The following GRM7 variants were observed in gnomAD, a reference collection of about 807,000 sequenced individuals.
GRM7 encodes the protein metabotropic glutamate receptor 7.
In GRM7, 35 loss-of-function variants were observed where a neutral mutation model predicts 84.5. That is an observed-to-expected ratio of 0.41 (90% CI 0.32 to 0.55). The LOEUF is 0.55. Among genes scored for constraint, GRM7 ranks in the 20% least tolerant of loss-of-function variants. GRM7 has a pLI of 0.19. For synonymous variants in GRM7, 487 were observed against 455.1 expected, an observed-to-expected ratio of 1.07 and a Z score of -0.89; for missense variants, 1,003 against 1,194.6, an observed-to-expected ratio of 0.84 and a Z score of 2.36.
intron 7 of GRM7, among the ~76,000 whole-genome samples, chr3:7,543,958 A>G (rs1440847695): frequency 2.0e-5 from 3 of 152,176 alleles, no homozygotes; most frequent in African/African-American, 4.8e-5. Context: ...GCTTTTCACT[A>G]TTAAAAGGCA....
intron 2 of GRM7, among the ~76,000 whole-genome samples, chr3:7,193,932 G>A (rs1695798825): frequency 6.6e-6 from 1 of 152,052 alleles, no homozygotes; most frequent in Admixed American, 6.6e-5. Flanking sequence ...GCTGACAACA[G>A]ATATCTTGAT....
intron 1 of GRM7, among the ~76,000 whole-genome samples, chr3:7,096,124 CT>C (rs932565532): frequency 2.0e-5 from 3 of 152,020 alleles, no homozygotes; most frequent in Non-Finnish European, 2.9e-5. Context: ...ATATTCTGCT[CT>C]CCCCTATCCT....
chr3:7,207,022 G>A (rs1696263280), intron 2 of GRM7, among the ~76,000 whole-genome samples: 1 of 152,088 alleles, frequency 6.6e-6, no homozygotes, highest in Admixed American at 6.5e-5. Context: ...ATGGAAATAA[G>A]TAACAATAAA....
At chr3:7,341,395 A>G (rs1328372803) in intron 4 of GRM7, among the ~76,000 whole-genome samples, 3 of 151,970 alleles carry the variant, frequency 2.0e-5, no homozygotes, top group Non-Finnish European at 4.4e-5. Context: ...TTTATTTAGC[A>G]AACATTTATT....
intron 9 of GRM7, among the ~76,000 whole-genome samples, chr3:7,715,377 G>A: frequency 6.6e-6 from 1 of 152,136 alleles, no homozygotes; most frequent in East Asian, 1.9e-4. Context: ...GGAGGCTGAG[G>A]CAAAAGGATC....
chr3:6,972,408 C>T (rs148091026), intron 1 of GRM7, among the ~76,000 whole-genome samples: 6 of 152,170 alleles, frequency 3.9e-5, no homozygotes, highest in Admixed American at 6.5e-5. Context: ...GGGTAAAGGA[C>T]GAGAAAATGT....
At chr3:7,476,843 C>G (rs1698941554) in intron 7 of GRM7, among the ~76,000 whole-genome samples, 1 of 152,192 alleles carries the variant, frequency 6.6e-6, no homozygotes, top group Admixed American at 6.5e-5. Context: ...TCTGACAGTT[C>G]TGTGTCTTGT....
chr3:7,487,703 C>G lies in GRM7; in HGVS notation c.1515+25981C>G, dbSNP rs192150573. On this transcript the variant is annotated intron_variant, in intron 7 of 9. Transcript: ENST00000357716. ...AGAAGTGGAGGCATAGCACTTCTGT[C>G]CAAATTTCAAAGGATGTATCCGGAA... is the stretch of plus-strand genomic sequence containing the variant. Among the ~76,000 whole-genome samples the G allele has an allele frequency of 1.3e-4, 20 of 152,292 alleles. No individual in the cohort carries two copies. The South Asian group carries it at 1.9e-3, about 14-fold the overall frequency.
intron 1 of GRM7, among the ~76,000 whole-genome samples, chr3:7,061,746 C>T (rs1285910280): frequency 1.3e-5 from 2 of 151,636 alleles, no homozygotes; most frequent in Non-Finnish European, 3.0e-5. Context: ...TTTGCATACA[C>T]AACCTCATGT....
At chr3:7,255,646 A>G (rs1698166883) in intron 2 of GRM7, among the ~76,000 whole-genome samples, 1 of 152,178 alleles carries the variant, frequency 6.6e-6, no homozygotes, top group African/African-American at 2.4e-5. Context: ...CCATGTTCCT[A>G]TTTATAGAAG....
intron 2 of GRM7, among the ~76,000 whole-genome samples, chr3:7,297,370 A>G (rs1000661264): frequency 6.6e-6 from 1 of 152,182 alleles, no homozygotes; most frequent in Non-Finnish European, 1.5e-5. Context: ...TATTATTTCT[A>G]TGCTTTAAAA....
intron 1 of GRM7, among the ~76,000 whole-genome samples, chr3:7,136,332 G>T (rs890676303): frequency 1.3e-5 from 2 of 151,870 alleles, no homozygotes; most frequent in African/African-American, 4.8e-5. Context: ...GGCAGAAACT[G>T]CCTCTTTAAA....
chr3:7,022,367 G>GCACACACACACACACACA lies in GRM7; in HGVS notation c.520-124083_520-124066dup, dbSNP rs71307753. 7.0e-3 allele frequency among the ~76,000 whole-genome samples: 1,019 copies of GCACACACACACACACACA among 145,718 alleles called. 9 individuals carry two copies. Among genetic ancestry groups the GCACACACACACACACACA allele is most frequent in the African/African-American group, 0.025 (968 of 39,028 alleles). ...AAAATATATATATATACACACACAT[G>GCACACACACACACACACA]CACACACACACACACACACCAGTGG... On this transcript the variant is annotated intron_variant, in intron 1 of 9. Coordinates refer to ENST00000357716, the MANE Select transcript of GRM7 (RefSeq NM_000844.4).
intron 1 of GRM7, among the ~76,000 whole-genome samples, chr3:7,029,125 G>A (rs993366435): frequency 1.3e-5 from 2 of 152,090 alleles, no homozygotes; most frequent in Non-Finnish European, 2.9e-5. Flanking sequence ...CTAACATGGT[G>A]AAACCCTGTC....
intron 8 of GRM7, among the ~76,000 whole-genome samples, chr3:7,650,935 G>T (rs887070502): frequency 6.6e-6 from 1 of 152,122 alleles, no homozygotes; most frequent in Non-Finnish European, 1.5e-5. Flanking sequence ...ATTATAGTGA[G>T]GGCACTAATG....
intron 2 of GRM7, among the ~76,000 whole-genome samples, chr3:7,261,089 G>A (rs990811772): frequency 6.6e-6 from 1 of 152,146 alleles, no homozygotes; most frequent in African/African-American, 2.4e-5. Context: ...TAGTTGGCCA[G>A]CTTGCCTATC....
intron 7 of GRM7, among the ~76,000 whole-genome samples, chr3:7,474,107 A>T (rs1698822078): frequency 6.6e-6 from 1 of 152,164 alleles, no homozygotes; most frequent in Non-Finnish European, 1.5e-5. Flanking sequence ...TGGCCATGAT[A>T]AAAAGTCAAA....
intron 4 of GRM7, among the ~76,000 whole-genome samples, chr3:7,363,829 G>A (rs1023772804): frequency 3.3e-5 from 5 of 151,972 alleles, no homozygotes; most frequent in African/African-American, 9.7e-5. Context: ...TTACCATTCT[G>A]ATGGGTAAAA....
chr3:7,211,791 T>C (rs2124848333), intron 2 of GRM7, among the ~76,000 whole-genome samples: 1 of 152,168 alleles, frequency 6.6e-6, no homozygotes, highest in Non-Finnish European at 1.5e-5. Flanking sequence ...CACAAATAAT[T>C]AATGAGGAAT....
Sources: allele counts gnomAD v4.1 joint callset (sites outside exome capture counted in the v4.1 genomes callset), GRCh38; gene constraint gnomAD v4.1.1; transcripts MANE v1.5; gene names NCBI Gene and HGNC (gene_info 2026-07-23, HGNC 2026-07-21).